Variants in SNX29 observed in about 807,000 individuals in gnomAD.
The protein encoded by SNX29 is sorting nexin 29, also known as sorting nexin-29.
SNX29 carries 78 observed loss-of-function variants against 102.1 expected under a neutral mutation model. The ratio of observed to expected loss-of-function variants is 0.76; its 90% confidence interval spans 0.64 to 0.92. The LOEUF (loss-of-function observed/expected upper bound fraction) is 0.92, where lower values mean the gene tolerates loss of function less well. SNX29 is among the 40% of genes least tolerant of loss of function. SNX29 has a pLI of 0.00. For missense variants in SNX29, 1,280 were observed against 1,061.7 expected (o/e 1.21, Z -2.86); for synonymous variants, 580 against 414.5 (o/e 1.40, Z -4.85).
chr16:12,396,766 G>A (rs932646738), intron 16 of SNX29, among the ~76,000 whole-genome samples: 3 of 152,152 alleles, frequency 2.0e-5, no homozygotes, highest in African/African-American at 7.2e-5. Flanking sequence ...AGTGGGATGA[G>A]GTGGAAAGGG....
Position 12,479,963 on chromosome 16 carries a change from A to C in SNX29, c.2178+2104A>C, listed in dbSNP as rs74012721. Among the ~76,000 whole-genome samples, 1,497 of 152,286 alleles carry C rather than the reference A, an allele frequency of 9.8e-3. 28 individuals are homozygous for C. Among genetic ancestry groups the C allele is most frequent in the African/African-American group, 0.034 (1,411 of 41,552 alleles). On this transcript the variant is annotated intron_variant, in intron 19 of 20. Transcript: ENST00000566228. ...GGTGAGTCGTGACTTAACATTATCC[A>C]GGGGTGCCTGGGAACTGCAGCTTTA... is the stretch of plus-strand genomic sequence containing the variant.
At chr16:12,162,143 G>T (rs1009946834) in intron 13 of SNX29, among the ~76,000 whole-genome samples, 14 of 152,098 alleles carry the variant, frequency 9.2e-5, no homozygotes, top group African/African-American at 3.4e-4. Context: ...CAACTGGATG[G>T]CTTTGCACGT....
At chr16:12,493,287 C>G (rs963810202) in intron 19 of SNX29, among the ~76,000 whole-genome samples, 44 of 151,978 alleles carry the variant, frequency 2.9e-4, no homozygotes, top group Non-Finnish European at 6.0e-4. Context: ...ATTTTATTCT[C>G]TTTGAAGCAA....
intron 13 of SNX29, among the ~76,000 whole-genome samples, chr16:12,176,001 G>C (rs2076252500): frequency 7.7e-6 from 1 of 129,876 alleles, no homozygotes; most frequent in Non-Finnish European, 1.8e-5. Context: ...GCAAGACCTT[G>C]TCTAAAACAA....
chr16:12,210,036 T>C (rs554596887), intron 14 of SNX29, among the ~76,000 whole-genome samples: 1 of 152,300 alleles, frequency 6.6e-6, no homozygotes, highest in African/African-American at 2.4e-5. Flanking sequence ...TATTGTCTAA[T>C]CAGTATCCAT....
chr16:12,089,851 T>TCCTTCCCTCCG (rs1567197328), intron 11 of SNX29: 1 of 400,460 alleles, frequency 2.5e-6, no homozygotes, highest in Non-Finnish European at 4.9e-6. Context: ...CCTTCACTGC[T>TCCTTCCCTCCG]CCTTCCCTCC....
chr16:12,306,050 C>T (rs1265202046), intron 15 of SNX29, among the ~76,000 whole-genome samples: 2 of 151,996 alleles, frequency 1.3e-5, no homozygotes, highest in African/African-American at 4.8e-5. Context: ...CTGTCTCACA[C>T]CCTCCCTCAG....
intron 15 of SNX29, among the ~76,000 whole-genome samples, chr16:12,284,371 C>G (rs1012453041): frequency 3.9e-5 from 6 of 152,220 alleles, no homozygotes; most frequent in African/African-American, 1.2e-4. Context: ...CACATAAGAA[C>G]CCAGCTGAGT....
At chr16:12,193,127 G>A (rs1404051702) in intron 13 of SNX29, among the ~76,000 whole-genome samples, 2 of 152,290 alleles carry the variant, frequency 1.3e-5, no homozygotes, top group South Asian at 2.1e-4. Flanking sequence ...GTGCCACTGC[G>A]CCCAAAACAT....
At chr16:12,058,425 A>T (rs1399418189) in intron 8 of SNX29, among the ~76,000 whole-genome samples, 1 of 151,750 alleles carries the variant, frequency 6.6e-6, no homozygotes, top group African/African-American at 2.4e-5. Context: ...CAGCTTCAGG[A>T]ATCTTTAATG....
At chr16:12,547,135 C>G (rs184755037) in intron 20 of SNX29, among the ~76,000 whole-genome samples, 13 of 152,246 alleles carry the variant, frequency 8.5e-5, no homozygotes, top group African/African-American at 2.4e-4. Context: ...ACAGTCATCA[C>G]AGAGGGAAAG....
At chr16:12,034,567 CAG>C (rs2057423606) in intron 4 of SNX29, among the ~76,000 whole-genome samples, 1 of 152,158 alleles carries the variant, frequency 6.6e-6, no homozygotes. Context: ...CAGGGTCCCT[CAG>C]GGGTGGGTTC....
Position 12,572,427 on chromosome 16 carries a change from T to C in SNX29, c.*3798T>C, listed in dbSNP as rs947873780. On this transcript the variant is annotated 3_prime_UTR_variant, in exon 21 of 21. Coordinates refer to ENST00000566228, the MANE Select transcript of SNX29 (RefSeq NM_032167.5). ...AGGGCTCTGTGGCCCAGGCCGGCAG[T>C]GGCTGCCTCTCTTGGTTCTGCATGG... The C allele has an allele frequency of 1.9e-6, 2 of 1,063,104 alleles. No homozygotes were observed. Among genetic ancestry groups the C allele is most frequent in the Admixed American group, 5.4e-5 (1 of 18,664 alleles). The allele number at this position is 1,063,104 out of a possible 1,614,324, so 65.9% of individuals were successfully genotyped here.
chr16:12,571,675 G>C lies in SNX29; in HGVS notation c.*3046G>C, dbSNP rs924393360. ...CTCAGGAACGGTAGGGCTGGGCAGA[G>C]GTGTCTCTCCTTGAGAGACAACAAA... On this transcript the variant is annotated 3_prime_UTR_variant, in exon 21 of 21. Transcript: ENST00000566228. 1 of 1,059,562 alleles carries C rather than the reference G, an allele frequency of 9.4e-7. No individual in the cohort carries two copies. 65.6% of individuals were successfully genotyped at this position (1,059,562 alleles called of 1,614,324 possible).
chr16:11,977,105 C>CT (rs1489123014), intron 1 of SNX29: 5 of 359,104 alleles, frequency 1.4e-5, no homozygotes, highest in Non-Finnish European at 1.5e-5. Context: ...ATCCCCTTGC[C>CT]TAGTGTCCAG....
chr16:12,517,963 C>T (rs147323549), intron 19 of SNX29, among the ~76,000 whole-genome samples: 91 of 152,044 alleles, frequency 6.0e-4, no homozygotes, highest in African/African-American at 2.1e-3. Flanking sequence ...AAACTTGGGG[C>T]TGCTAACATA....
intron 9 of SNX29, among the ~76,000 whole-genome samples, chr16:12,066,122 G>A (rs1016104179): frequency 6.6e-6 from 1 of 152,052 alleles, no homozygotes; most frequent in Non-Finnish European, 1.5e-5. Context: ...AGGCTGGGTG[G>A]GTCCATGCCT....
rs533467139 is a variant in SNX29 at position 12,571,981 on chromosome 16, C to A, written c.*3352C>A. On this transcript the variant is annotated 3_prime_UTR_variant, in exon 21 of 21. Transcript: ENST00000566228. ...TACAGTCTATGGTGGTAGCCATCTT[C>A]ACATCCAGTCACCAGTTGCATCTAG... is the stretch of plus-strand genomic sequence containing the variant. 511 of 1,061,974 alleles carry A rather than the reference C, an allele frequency of 4.8e-4. No homozygotes were observed. The highest frequency in any genetic ancestry group is 2.5e-3 in the Middle Eastern group (6 of 2,386). 65.8% of individuals were successfully genotyped at this position (1,061,974 alleles called of 1,614,324 possible).
At chr16:12,164,679 C>G (rs1169789948) in intron 13 of SNX29, among the ~76,000 whole-genome samples, 1 of 120,540 alleles carries the variant, frequency 8.3e-6, no homozygotes, top group Non-Finnish European at 1.6e-5. Context: ...TTTATTCATG[C>G]CTTTTTTTTT....
Sources: allele counts gnomAD v4.1 joint callset (sites outside exome capture counted in the v4.1 genomes callset), GRCh38; gene constraint gnomAD v4.1.1; transcripts MANE v1.5; gene names NCBI Gene and HGNC (gene_info 2026-07-23, HGNC 2026-07-21).